FXYD7: variants seen among roughly 807,000 people sequenced by gnomAD.
The protein encoded by FXYD7 is FXYD domain-containing ion transport regulator 7.
FXYD7 carries 7 observed loss-of-function variants against 15.3 expected under a neutral mutation model. That is an observed-to-expected ratio of 0.46 (90% CI 0.26 to 0.86). FXYD7 has a LOEUF of 0.86. Among genes scored for constraint, FXYD7 ranks in the 40% least tolerant of loss-of-function variants. The probability of loss-of-function intolerance (pLI) is 0.16; values close to 1 mark genes in which losing one functional copy is unlikely to be tolerated. For missense variants in FXYD7, 78 were observed against 100.6 expected (o/e 0.78, Z 0.96); for synonymous variants, 39 against 39.3 (o/e 0.99, Z 0.03).
intron 1 of FXYD7, among the ~76,000 whole-genome samples, chr19:35,148,379 G>A (rs2065298060): frequency 6.6e-6 from 1 of 152,212 alleles, no homozygotes; most frequent in African/African-American, 2.4e-5. Flanking sequence ...GTTTTTCAGG[G>A]AATGAGTCCA....
chr19:35,148,848 T>C, intron 2 of FXYD7, 125 bp downstream of exon 2: 1 of 862,630 alleles, frequency 1.2e-6, no homozygotes, highest in Non-Finnish European at 2.0e-6. Context: ...CGGGACCATA[T>C]ATGTGGGTGT....
Position 35,143,479 on chromosome 19 carries a change from C to A in FXYD7, c.31+115C>A. 2 of 804,400 alleles carry A rather than the reference C, an allele frequency of 2.5e-6. No homozygotes were observed. Among genetic ancestry groups the A allele is most frequent in the Non-Finnish European group, 3.6e-6 (2 of 549,292 alleles). The allele number at this position is 804,400 out of a possible 1,614,324, so 49.8% of individuals were successfully genotyped here. A position where few individuals can be genotyped will look rare whatever the true frequency, so the allele number is the denominator to read the frequency against. ...GGCAAGGGAGTTGGGGGAGGGAGGT[C>A]CGCTCCTCCTGTGGGCGGAAGCCCC... On this transcript the variant is annotated intron_variant, in intron 1 of 5. Coordinates refer to ENST00000270310, the MANE Select transcript of FXYD7 (RefSeq NM_022006.2). This position sits in a 1 kb window ranked among gnomAD's most constrained non-coding sequence, Gnocchi z 4.3.
chr19:35,143,382 A>G lies in FXYD7; in HGVS notation c.31+18A>G. 2 of 1,491,556 alleles carry G rather than the reference A, an allele frequency of 1.3e-6. No individual in the cohort carries two copies. Among genetic ancestry groups the G allele is most frequent in the Non-Finnish European group, 8.9e-7 (1 of 1,119,284 alleles). The allele number at this position is 1,491,556 out of a possible 1,614,324, so 92.4% of individuals were successfully genotyped here. A position where few individuals can be genotyped will look rare whatever the true frequency, so the allele number is the denominator to read the frequency against. ...CACAAAGGGTGAGCGTCGTTTGGGGAGGGGGTTGCAGGGGGGCTCCGGGAT... is the reference window on the plus strand; with the variant it reads ...CACAAAGGGTGAGCGTCGTTTGGGGGGGGGGTTGCAGGGGGGCTCCGGGAT... On this transcript the variant is annotated intron_variant, in intron 1 of 5. Transcript: ENST00000270310. The surrounding 1 kb of genome is among the most constrained non-coding windows in gnomAD (Gnocchi z 4.3).
rs756518153 is a variant in FXYD7, at chr19:35,151,473, G to C, written c.170G>C (p.Arg57Thr). The C allele has an allele frequency of 1.2e-6, 2 of 1,614,062 alleles. No homozygotes were observed. Among genetic ancestry groups the C allele is most frequent in the Non-Finnish European group, 1.7e-6 (2 of 1,180,026 alleles). The change falls in exon 4 of 6, where the codon AGG becomes ACG. Residue 57 changes from arginine to threonine, a missense_variant. Physicochemically the swap from Arg to Thr is moderately conservative, Grantham distance 71 (BLOSUM62 -1). Coordinates refer to ENST00000270310, the MANE Select transcript of FXYD7 (RefSeq NM_022006.2). ...GTGAAGTGCAGGAAGGCGGACTCCAGGTCTGAGAGGTCTGGCAGCAGTGGG... is the reference window on the plus strand; with the variant it reads ...GTGAAGTGCAGGAAGGCGGACTCCACGTCTGAGAGGTCTGGCAGCAGTGGG... ...KKVKCRKADS[R>T]SESPTCKSCK...
At chr19:35,148,893 C>G (rs749270839) in intron 2 of FXYD7, 170 bp downstream of exon 2, 2 of 752,352 alleles carry the variant, frequency 2.7e-6, no homozygotes, top group Admixed American at 3.5e-5. Flanking sequence ...AGGGCAGAAC[C>G]AGATGGGGGA....
chr19:35,154,088 A>G lies in FXYD7; in HGVS notation c.*172A>G. ...CTGCTGTCCCTCTCCAGGCCTTGGC[A>G]ATGACGATCCCCCAAAGAGCCCGTC... On this transcript the variant is annotated 3_prime_UTR_variant, in exon 6 of 6. Transcript: ENST00000270310. The G allele has an allele frequency of 1.7e-6, 1 of 595,040 alleles. No homozygotes were observed. Among genetic ancestry groups the G allele is most frequent in the Non-Finnish European group, 2.9e-6 (1 of 342,046 alleles). The allele number at this position is 595,040 out of a possible 1,614,324, so 36.9% of individuals were successfully genotyped here. A position where few individuals can be genotyped will look rare whatever the true frequency, so the allele number is the denominator to read the frequency against.
At chr19:35,152,130 C>A (rs1191433138) in intron 5 of FXYD7, among the ~76,000 whole-genome samples, 2 of 33,810 alleles carry the variant, frequency 5.9e-5, no homozygotes, top group African/African-American at 1.8e-4. Context: ...TAGAGTGAGA[C>A]TGTCAAAAAA....
At position 35,143,353 on chromosome 19, in the gene FXYD7, C is replaced by T. The variant is rs2065275881; in HGVS notation, c.20C>T (p.Thr7Ile). MATPTQ[T>I]PTKAPEEPDP... The stretch of plus-strand genomic sequence containing the variant: ...CCCAGCATGGCGACCCCGACCCAGA[C>T]CCCCACAAAGGGTGAGCGTCGTTTG... The change falls in exon 1 of 6, where the codon ACC becomes ATC. Residue 7 changes from threonine to isoleucine, a missense_variant. By Grantham distance (89) the Thr-to-Ile change is moderately conservative. Transcript: ENST00000270310. This position sits in a 1 kb window ranked among gnomAD's most constrained non-coding sequence, Gnocchi z 4.3. The T allele has an allele frequency of 2.0e-6, 3 of 1,526,090 alleles. No individual in the cohort carries two copies. The highest frequency in any genetic ancestry group is 5.2e-5 in the East Asian group (2 of 38,190). 94.5% of individuals were successfully genotyped at this position (1,526,090 alleles called of 1,614,324 possible).
chr19:35,144,237 T>C (rs2065280341), intron 1 of FXYD7, among the ~76,000 whole-genome samples: 1 of 152,004 alleles, frequency 6.6e-6, no homozygotes, highest in Non-Finnish European at 1.5e-5. Context: ...AATGGGGCGA[T>C]GGGACCCTCC....
At chr19:35,148,552 A>C in intron 1 of FXYD7, 142 bp from the exon 2 acceptor site, 1 of 680,538 alleles carries the variant, frequency 1.5e-6, no homozygotes, top group Non-Finnish European at 2.4e-6. Context: ...ATGAGGCCAC[A>C]TCATCCAAAC....
intron 5 of FXYD7, 76 bp from the exon 6 acceptor site, chr19:35,153,818 A>G: frequency 7.3e-7 from 1 of 1,364,180 alleles, no homozygotes; most frequent in South Asian, 1.2e-5. Flanking sequence ...GTGCCGGGGA[A>G]TGGAGAGCCA....
chr19:35,151,849 C>T (rs573673804), intron 5 of FXYD7, among the ~76,000 whole-genome samples, 176 bp downstream of exon 5: 2 of 152,096 alleles, frequency 1.3e-5, no homozygotes, highest in African/African-American at 4.8e-5. Flanking sequence ...ATGAAAGATG[C>T]TAAACCTGGC....
At chr19:35,151,700 G>T in intron 5 of FXYD7, 27 bp downstream of exon 5, 1 of 1,596,380 alleles carries the variant, frequency 6.3e-7, no homozygotes, top group South Asian at 1.1e-5. Flanking sequence ...GTGTGGTTCT[G>T]GGAGAGTTTT....
At chr19:35,144,777 A>G (rs572817530) in intron 1 of FXYD7, among the ~76,000 whole-genome samples, 1 of 152,216 alleles carries the variant, frequency 6.6e-6, no homozygotes, top group South Asian at 2.1e-4. Flanking sequence ...GCAGACGGGC[A>G]GAGGTGGGAG....
chr19:35,148,570 T>G, intron 1 of FXYD7, 124 bp from the exon 2 acceptor site: 1 of 773,556 alleles, frequency 1.3e-6, no homozygotes, highest in Non-Finnish European at 2.0e-6. Flanking sequence ...AACCAAGGGG[T>G]CTCTATCTGA....
chr19:35,153,427 G>C (rs2065323804), intron 5 of FXYD7, among the ~76,000 whole-genome samples: 2 of 152,182 alleles, frequency 1.3e-5, no homozygotes, highest in African/African-American at 4.8e-5. Flanking sequence ...GGGCAGCATG[G>C]GGGTTGGCCT....
At chr19:35,148,032 A>T (rs58552525) in intron 1 of FXYD7, among the ~76,000 whole-genome samples, 1,709 of 32,896 alleles carry the variant, frequency 0.052, 65 homozygotes, top group East Asian at 0.19. Context: ...AGAAGGAAAG[A>T]AAGAAAGAAA....
chr19:35,148,629 A>C (rs1344588123), intron 1 of FXYD7, 65 bp from the exon 2 acceptor site: 11 of 1,387,960 alleles, frequency 7.9e-6, no homozygotes, highest in African/African-American at 5.8e-5. Context: ...GATCCTAAAA[A>C]ATATTAAGAA....
intron 5 of FXYD7, among the ~76,000 whole-genome samples, chr19:35,152,180 AAGGG>A (rs1242415055): frequency 7.1e-6 from 1 of 139,898 alleles, no homozygotes; most frequent in Non-Finnish European, 1.6e-5. Context: ...TGAAGGAAGG[AAGGG>A]AGGGAGGGAG....
Sources: allele counts gnomAD v4.1 joint callset (sites outside exome capture counted in the v4.1 genomes callset), GRCh38; gene constraint gnomAD v4.1.1; non-coding constraint Gnocchi (gnomAD v3.1); transcripts MANE v1.5; gene names NCBI Gene and HGNC (gene_info 2026-07-23, HGNC 2026-07-21).